Variants in PTGDR2 observed in about 807,000 individuals in gnomAD.
PTGDR2 encodes the protein G-protein coupled receptor 44.
For missense variants in PTGDR2, 544 were observed against 576.6 expected (o/e 0.94, Z 0.58); for synonymous variants, 276 against 278.4 (o/e 0.99, Z 0.09).
rs1415012976 is a variant in PTGDR2, at chr11:60,852,257, T to A, written c.*278A>T. On this transcript the variant is annotated 3_prime_UTR_variant, in exon 2 of 2. Coordinates refer to ENST00000332539, the MANE Select transcript of PTGDR2 (RefSeq NM_004778.3). ...CTGGCTTCTCGGCCTGGGAGCTTGT[T>A]AAGTGCAGACTCTCAGTACCCGGCC... The A allele has an allele frequency of 2.7e-6, 1 of 368,252 alleles. No homozygotes were observed. The highest frequency in any genetic ancestry group is 4.8e-6 in the Non-Finnish European group (1 of 207,288). 22.8% of individuals were successfully genotyped at this position (368,252 alleles called of 1,614,324 possible). A position where few individuals can be genotyped will look rare whatever the true frequency, so the allele number is the denominator to read the frequency against.
chr11:60,852,878 A>C lies in PTGDR2; in HGVS notation c.845T>G (p.Val282Gly). The change falls in exon 2 of 2, where the codon GTG becomes GGG. Residue 282 changes from valine to glycine, a missense_variant. Val to Gly is a moderately radical substitution (Grantham distance 109). Coordinates refer to ENST00000332539, the MANE Select transcript of PTGDR2 (RefSeq NM_004778.3). ...GGTGACGAAGGGCAGCCCGCGCCAC[A>C]CGAGCGGCCGCAGCCCCGGGTTTGC... ...AHANPGLRPL[V>G]WRGLPFVTSL... The C allele has an allele frequency of 1.3e-6, 2 of 1,539,948 alleles. No individual in the cohort carries two copies. The highest frequency in any genetic ancestry group is 1.8e-6 in the Non-Finnish European group (2 of 1,142,312).
rs755364144 is a variant in PTGDR2 at position 60,852,962 on chromosome 11, G to A, written c.761C>T (p.Ala254Val). 1 of 1,407,894 alleles carries A rather than the reference G, an allele frequency of 7.1e-7. No individual in the cohort carries two copies. Among genetic ancestry groups the A allele is most frequent in the Non-Finnish European group, 9.3e-7 (1 of 1,080,506 alleles). The allele number at this position is 1,407,894 out of a possible 1,614,324, so 87.2% of individuals were successfully genotyped here. A position where few individuals can be genotyped will look rare whatever the true frequency, so the allele number is the denominator to read the frequency against. The change falls in exon 2 of 2, where the codon GCC becomes GTC. Residue 254 changes from alanine (A) to valine (V), a missense_variant. By Grantham distance (64) the Ala-to-Val change is moderately conservative. Coordinates refer to ENST00000332539, the MANE Select transcript of PTGDR2 (RefSeq NM_004778.3). Reference sequence around the variant, plus strand: ...GTAGGGCCCCCAGCAGAGCGCGAAGGCGGCCACGACGGCCGCCACCAGGCG... The same window carrying A: ...GTAGGGCCCCCAGCAGAGCGCGAAGACGGCCACGACGGCCGCCACCAGGCG... Reference protein sequence around the residue: ...FVRLVAAVVAAFALCWGPYHV... With the variant: ...FVRLVAAVVAVFALCWGPYHV...
At chr11:60,854,361 AATAAG>A (rs1361539912) in intron 1 of PTGDR2, among the ~76,000 whole-genome samples, 5 of 152,184 alleles carry the variant, frequency 3.3e-5, no homozygotes, top group Admixed American at 6.5e-5. Context: ...TTGGAGAGGA[AATAAG>A]ATAAGAGCCA....
chr11:60,853,853 G>T (rs530194886), intron 1 of PTGDR2, 122 bp from the exon 2 acceptor site: 4 of 724,064 alleles, frequency 5.5e-6, no homozygotes, highest in Non-Finnish European at 8.9e-6. Flanking sequence ...TATATTGGGC[G>T]GTGGGGGTGG....
rs1287232295 is a variant in PTGDR2 at position 60,853,300 on chromosome 11, G to A, written c.423C>T (p.Asn141=). 1.2e-6 allele frequency: 2 copies of A among 1,611,748 alleles called. No individual in the cohort carries two copies. The highest frequency in any genetic ancestry group is 1.7e-5 in the Admixed American group (1 of 59,862). ...LQVVRPVWAQ[N]HRTVAAAHKV... ...TGTGCGCCGCGGCCACGGTGCGGTGGTTCTGCGCCCACACCGGCCGCACCA... is the reference window on the plus strand; with the variant it reads ...TGTGCGCCGCGGCCACGGTGCGGTGATTCTGCGCCCACACCGGCCGCACCA... The change falls in exon 2 of 2, where the codon AAC becomes AAT. Residue 141 remains asparagine (N), a synonymous_variant. Coordinates refer to ENST00000332539, the MANE Select transcript of PTGDR2 (RefSeq NM_004778.3).
In PTGDR2 at chr11:60,853,436, G is replaced by T; in HGVS notation, c.287C>A (p.Ser96Ter). ...GCAGAAGGTGGTGCCCAGCTCCCAC[G>T]AGTGGCCCACGGCCAAGAAGTAGGT... ...FFTYFLAVGH[S>*]WELGTTFCKL... The change falls in exon 2 of 2, where the codon TCG (serine) becomes TAG (stop). Residue 96 changes from serine (S) to a stop codon, truncating the protein, a stop_gained. Transcript: ENST00000332539. LOFTEE classifies it low-confidence loss of function (END_TRUNC). 1.9e-6 allele frequency: 3 copies of T among 1,575,338 alleles called. No individual in the cohort carries two copies. The highest frequency in any genetic ancestry group is 2.3e-5 in the East Asian group (1 of 42,790).
At position 60,851,511 on chromosome 11, in the gene PTGDR2, G is replaced by A. The variant is rs917310438; in HGVS notation, c.*1024C>T. On this transcript the variant is annotated 3_prime_UTR_variant, in exon 2 of 2. Coordinates refer to ENST00000332539, the MANE Select transcript of PTGDR2 (RefSeq NM_004778.3). ...GCCCAGCCCCATGTGGCCTGGAGGC[G>A]GGGCTGCACAGATCTTGGGATTACC... 5 of 152,216 alleles carry A rather than the reference G, an allele frequency of 3.3e-5. No individual in the cohort carries two copies. The highest frequency in any genetic ancestry group is 1.2e-4 in the African/African-American group (5 of 41,454). 9.4% of individuals were successfully genotyped at this position (152,216 alleles called of 1,614,324 possible).
Position 60,853,237 on chromosome 11 carries a change from G to A in PTGDR2, c.486C>T (p.Asn162=). ...CCCGGAACACGAAATAGGGCACCGT[G>A]TTGAGCACCGCTAGTGCCCAAAGCA... ...CLVLWALAVL[N]TVPYFVFRDT... Residue 162 remains asparagine, a synonymous_variant, in exon 2 of 2, where the codon AAC becomes AAT. Transcript: ENST00000332539. The A allele has an allele frequency of 1.2e-6, 2 of 1,613,264 alleles. No individual in the cohort carries two copies. The highest frequency in any genetic ancestry group is 1.1e-5 in the South Asian group (1 of 91,050).
At position 60,852,124 on chromosome 11, in the gene PTGDR2, C is replaced by T. The variant is rs957388220; in HGVS notation, c.*411G>A. 7 of 186,608 alleles carry T rather than the reference C, an allele frequency of 3.8e-5. No individual in the cohort carries two copies. Among genetic ancestry groups the T allele is most frequent in the Non-Finnish European group, 6.6e-5 (6 of 91,224 alleles). The allele number at this position is 186,608 out of a possible 1,614,324, so 11.6% of individuals were successfully genotyped here. On this transcript the variant is annotated 3_prime_UTR_variant, in exon 2 of 2. Transcript: ENST00000332539. ...CCCATCATCTGGTAAAACTGAACTC[C>T]GGGGAGACGCACCCCGTGTGCCCTT...
Position 60,852,535 on chromosome 11 carries a change from C to T in PTGDR2, c.1188G>A (p.Ter396=), listed in dbSNP as rs1855285314. ...AGTGCCGCCCTACGTGGGCCGGGTT[C>T]TAACTCGAGGTGCTGCTCAGCGCCC... ...LNRALSSTSS[*] is the part of the protein sequence containing the mutation. The change falls in exon 2 of 2, where the codon TAG becomes TAA. Residue 396 remains the stop codon, a stop_retained_variant. Transcript: ENST00000332539. 3.2e-6 allele frequency: 4 copies of T among 1,263,068 alleles called. No individual in the cohort carries two copies. The Admixed American group carries it at 1.7e-4, about 53-fold the overall frequency. The allele number at this position is 1,263,068 out of a possible 1,614,324, so 78.2% of individuals were successfully genotyped here. A position where few individuals can be genotyped will look rare whatever the true frequency, so the allele number is the denominator to read the frequency against.
chr11:60,852,301 C>T lies in PTGDR2; in HGVS notation c.*234G>A, dbSNP rs887431565. 2.7e-5 allele frequency: 11 copies of T among 400,238 alleles called. No homozygotes were observed. The highest frequency in any genetic ancestry group is 2.1e-4 in the African/African-American group (10 of 48,558). The allele number at this position is 400,238 out of a possible 1,614,324, so 24.8% of individuals were successfully genotyped here. A position where few individuals can be genotyped will look rare whatever the true frequency, so the allele number is the denominator to read the frequency against. Reference sequence around the variant, plus strand: ...CCCGGCCCCGGCCTCCTGGATCAGACTGCACTTAACAAGACCCCTAGGTGA... The same window carrying T: ...CCCGGCCCCGGCCTCCTGGATCAGATTGCACTTAACAAGACCCCTAGGTGA... On this transcript the variant is annotated 3_prime_UTR_variant, in exon 2 of 2. Coordinates refer to ENST00000332539, the MANE Select transcript of PTGDR2 (RefSeq NM_004778.3).
Position 60,852,705 on chromosome 11 carries a change from G to GGCT in PTGDR2, c.1015_1017dup (p.Ser339dup). ...GCGGTGGAGGAGGTGCGGCGGCGGC[G>GGCT]GCTGCTTCCCGCGCCACCCAGCTCG... On this transcript the variant is annotated inframe_insertion, in exon 2 of 2. Transcript: ENST00000332539. 5 of 1,448,072 alleles carry GGCT rather than the reference G, an allele frequency of 3.5e-6. No homozygotes were observed. The highest frequency in any genetic ancestry group is 2.7e-6 in the Non-Finnish European group (3 of 1,091,030). The allele number at this position is 1,448,072 out of a possible 1,614,324, so 89.7% of individuals were successfully genotyped here. A position where few individuals can be genotyped will look rare whatever the true frequency, so the allele number is the denominator to read the frequency against.
rs1225386546 is a variant in PTGDR2, at chr11:60,853,076, A to G, written c.647T>C (p.Leu216Pro). The change falls in exon 2 of 2, where the codon CTG (leucine) becomes CCG (proline). Residue 216 changes from leucine to proline, a missense_variant. Leu to Pro is a moderately conservative substitution (Grantham distance 98). Transcript: ENST00000332539. ...LAVSKFLLAF[L>P]VPLAIIASSH... ...CGAGGCGATGATCGCCAGCGGCACC[A>G]GGAAGGCCAGCAGGAACTTGCTGAC... 6.3e-7 allele frequency: 1 copy of G among 1,593,886 alleles called. No homozygotes were observed. The highest frequency in any genetic ancestry group is 8.5e-7 in the Non-Finnish European group (1 of 1,174,836).
chr11:60,854,824 G>A (rs1039484810), intron 1 of PTGDR2, among the ~76,000 whole-genome samples: 5 of 152,230 alleles, frequency 3.3e-5, no homozygotes, highest in African/African-American at 1.2e-4. Flanking sequence ...CTGGCCCAGA[G>A]CCACCCAGAC....
In PTGDR2 at chr11:60,852,628, G is replaced by T; in HGVS notation, c.1095C>A (p.Gly365=). The T allele has an allele frequency of 1.5e-6, 2 of 1,328,226 alleles. No homozygotes were observed. Among genetic ancestry groups the T allele is most frequent in the East Asian group, 3.1e-5 (1 of 32,142 alleles). The allele number at this position is 1,328,226 out of a possible 1,614,324, so 82.3% of individuals were successfully genotyped here. The part of the protein sequence containing the change: ...ALCSRPEEPR[G]PARLLGWLLG... ...GCAGCCAGCCGAGGAGACGCGCGGG[G>T]CCCCGCGGTTCCTCCGGGCGGCTGC... is the stretch of plus-strand genomic sequence containing the variant. The change falls in exon 2 of 2, where the codon GGC becomes GGA. Residue 365 remains glycine (G), a synonymous_variant. Transcript: ENST00000332539.
chr11:60,854,710 G>A (rs1855334735), intron 1 of PTGDR2, among the ~76,000 whole-genome samples: 1 of 152,196 alleles, frequency 6.6e-6, no homozygotes, highest in African/African-American at 2.4e-5. Flanking sequence ...AGGTACTATG[G>A]TAGGTCCTTC....
chr11:60,853,593 G>T lies in PTGDR2; in HGVS notation c.130C>A (p.Leu44Met). The T allele has an allele frequency of 1.3e-6, 2 of 1,555,956 alleles. No homozygotes were observed. The highest frequency in any genetic ancestry group is 1.7e-6 in the Non-Finnish European group (2 of 1,149,316). Residue 44 changes from leucine (L) to methionine (M), a missense_variant, in exon 2 of 2, where the codon CTG (leucine) becomes ATG (methionine). Transcript: ENST00000332539. Reference protein sequence around the residue: ...AAVLLHGLASLLGLVENGVIL... With the variant: ...AAVLLHGLASMLGLVENGVIL... ...ACTCCATTCTCCACCAGGCCCAGCA[G>T]CGAGGCCAGCCCGTGCAGCAGCACG...
In PTGDR2 at chr11:60,853,098, T is replaced by G. The variant is rs1308877342; in HGVS notation, c.625A>C (p.Ser209Arg). 2 of 1,601,580 alleles carry G rather than the reference T, an allele frequency of 1.2e-6. No homozygotes were observed. The highest frequency in any genetic ancestry group is 1.6e-4 in the Middle Eastern group (1 of 6,062). Residue 209 changes from serine to arginine, a missense_variant, in exon 2 of 2, where the codon AGC (serine) becomes CGC (arginine). By Grantham distance (110) the Ser-to-Arg change is moderately radical. Transcript: ENST00000332539. ...CNSRQVALAV[S>R]KFLLAFLVPL... ...ACCAGGAAGGCCAGCAGGAACTTGC[T>G]GACGGCCAGGGCCACCTGCCGCGAG... is the stretch of plus-strand genomic sequence containing the variant.
rs1024267417 is a variant in PTGDR2 at position 60,852,344 on chromosome 11, G to A, written c.*191C>T. ...CTAGGTGATTCACAGGCACATCAAGGTTTGAGAAGCACTGCTTTAACTCAC... is the reference window on the plus strand; with the variant it reads ...CTAGGTGATTCACAGGCACATCAAGATTTGAGAAGCACTGCTTTAACTCAC... On this transcript the variant is annotated 3_prime_UTR_variant, in exon 2 of 2. Transcript: ENST00000332539. 4.5e-6 allele frequency: 2 copies of A among 447,532 alleles called. No homozygotes were observed. The highest frequency in any genetic ancestry group is 2.0e-5 in the African/African-American group (1 of 49,342). 27.7% of individuals were successfully genotyped at this position (447,532 alleles called of 1,614,324 possible).
Sources: gnomAD v4.1 joint callset for allele counts (sites outside exome capture counted in the v4.1 genomes callset) on GRCh38, gnomAD v4.1.1 for gene constraint, MANE v1.5 for transcripts, NCBI Gene and HGNC (gene_info 2026-07-23, HGNC 2026-07-21) for gene names.